DEF8: variants seen among roughly 807,000 people sequenced by gnomAD.
The protein encoded by DEF8 is differentially expressed in FDCP 8 homolog, also known as DEF-8.
DEF8 carries 38 observed loss-of-function variants against 59.1 expected under a neutral mutation model. That is an observed-to-expected ratio of 0.64 (90% CI 0.50 to 0.84). The LOEUF (loss-of-function observed/expected upper bound fraction) is 0.84, where lower values mean the gene tolerates loss of function less well. DEF8 is among the 40% of genes least tolerant of loss of function. The pLI, the probability that DEF8 is intolerant of heterozygous loss-of-function variation, is 0.00. For missense variants in DEF8, 557 were observed against 615.2 expected (o/e 0.91, Z 1.00); for synonymous variants, 265 against 250.1 (o/e 1.06, Z -0.56).
intron 7 of DEF8, 87 bp downstream of exon 7, chr16:89,961,182 G>T (rs2033977620): frequency 6.6e-7 from 1 of 1,523,102 alleles, no homozygotes; most frequent in Admixed American, 1.9e-5. Flanking sequence ...ACGTAAGTCA[G>T]ACAGTTGAGT....
Position 89,964,555 on chromosome 16 carries a change from C to G in DEF8, c.1233C>G (p.Asp411Glu), listed in dbSNP as rs1322592301. 1 of 1,578,080 alleles carries G rather than the reference C, an allele frequency of 6.3e-7. No homozygotes were observed. ...PFDSHTSVCADCSAVFHRDCY... is the reference protein window; with the variant it reads ...PFDSHTSVCAECSAVFHRDCY... Reference sequence around the variant, plus strand: ...ACAGCCACACGTCTGTGTGCGCCGACTGCTCCGCGGTCTTCCACAGGTGGG... The same window carrying G: ...ACAGCCACACGTCTGTGTGCGCCGAGTGCTCCGCGGTCTTCCACAGGTGGG... The change falls in exon 12 of 13, where the codon GAC becomes GAG. Residue 411 changes from aspartate to glutamate, a missense_variant. Transcript: ENST00000563594.
rs1358571189 is a variant in DEF8 at position 89,966,260 on chromosome 16, C to G, written c.*297C>G. 1.3e-5 allele frequency: 4 copies of G among 307,698 alleles called. No homozygotes were observed. The highest frequency in any genetic ancestry group is 2.5e-5 in the Non-Finnish European group (4 of 157,770). The allele number at this position is 307,698 out of a possible 1,614,324, so 19.1% of individuals were successfully genotyped here. On this transcript the variant is annotated 3_prime_UTR_variant, in exon 13 of 13. Coordinates refer to ENST00000563594, the MANE Select transcript of DEF8 (RefSeq NM_001242818.2). Reference sequence around the variant, plus strand: ...AGGGAGCTGGGGGGACATCTCACCTCCCCCATGGCACAGAGCCCTCCACAC... The same window carrying G: ...AGGGAGCTGGGGGGACATCTCACCTGCCCCATGGCACAGAGCCCTCCACAC...
rs1217356451 is a variant in DEF8 at position 89,967,371 on chromosome 16, G to T, written c.*1408G>T. On this transcript the variant is annotated 3_prime_UTR_variant, in exon 13 of 13. Coordinates refer to ENST00000563594, the MANE Select transcript of DEF8 (RefSeq NM_001242818.2). ...GGCTCATTCCAGGAGTGGGAGAGAC[G>T]GCAGGGTCTCCTCTTTGTCCTCCGG... The T allele has an allele frequency of 7.5e-6, 3 of 398,540 alleles. No individual in the cohort carries two copies. The highest frequency in any genetic ancestry group is 1.3e-5 in the Non-Finnish European group (3 of 226,092). 24.7% of individuals were successfully genotyped at this position (398,540 alleles called of 1,614,324 possible).
chr16:89,963,720 C>T (rs2034323555), intron 10 of DEF8: 1 of 531,906 alleles, frequency 1.9e-6, no homozygotes, highest in African/African-American at 1.9e-5. Flanking sequence ...ACACAGTTTT[C>T]AAGGTTCATC....
At chr16:89,965,590 G>A (rs1051440232) in intron 12 of DEF8, among the ~76,000 whole-genome samples, 12 of 152,166 alleles carry the variant, frequency 7.9e-5, no homozygotes, top group Non-Finnish European at 1.0e-4. Context: ...CGAGTCTGGC[G>A]TGGCCACCTG....
chr16:89,962,089 G>C lies in DEF8; in HGVS notation c.885G>C (p.Leu295=). 4 of 1,614,090 alleles carry C rather than the reference G, an allele frequency of 2.5e-6. No individual in the cohort carries two copies. Among genetic ancestry groups the C allele is most frequent in the Non-Finnish European group, 3.4e-6 (4 of 1,179,990 alleles). The change falls in exon 9 of 13, where the codon CTG becomes CTC. Residue 295 remains leucine (L), a synonymous_variant. Transcript: ENST00000563594. ...TCAGGCTCCGGGAGATCAACCCTCT[G>C]CTGTTCAGCTACGTGGAGGAGCTGG... The part of the protein sequence containing the change: ...PVLRLREINP[L]LFSYVEELVE...
chr16:89,957,664 G>C lies in DEF8; in HGVS notation c.372+4G>C. ...GCTGAAGCTCCAGGAGCTGAAGGTG[G>C]GTGTGGGGCCGCCCCGCCGTGGGGC... is the stretch of plus-strand genomic sequence containing the variant. On this transcript the variant is annotated splice_donor_region_variant and intron_variant, in intron 5 of 12. Coordinates refer to ENST00000563594, the MANE Select transcript of DEF8 (RefSeq NM_001242818.2). The C allele has an allele frequency of 6.5e-7, 1 of 1,550,344 alleles. No individual in the cohort carries two copies. Among genetic ancestry groups the C allele is most frequent in the Non-Finnish European group, 8.7e-7 (1 of 1,145,990 alleles).
Position 89,958,881 on chromosome 16 carries a change from A to G in DEF8, c.373-133A>G, listed in dbSNP as rs567532070. 8 of 1,495,672 alleles carry G rather than the reference A, an allele frequency of 5.3e-6. No homozygotes were observed. In the Admixed American group the frequency reaches 8.3e-5, roughly 16 times the overall value. The allele number at this position is 1,495,672 out of a possible 1,614,324, so 92.7% of individuals were successfully genotyped here. Reference sequence around the variant, plus strand: ...TTACTGTGAAAGGGAGAAAAGGGACATGGCATTGTGCTGAAACTCACAATC... The same window carrying G: ...TTACTGTGAAAGGGAGAAAAGGGACGTGGCATTGTGCTGAAACTCACAATC... On this transcript the variant is annotated intron_variant, in intron 5 of 12. Coordinates refer to ENST00000563594, the MANE Select transcript of DEF8 (RefSeq NM_001242818.2).
At chr16:89,949,643 G>A (rs1470661130) in intron 2 of DEF8, 130 bp downstream of exon 2, 4 of 1,607,702 alleles carry the variant, frequency 2.5e-6, no homozygotes, top group East Asian at 2.2e-5. Context: ...GGCCAGGTCC[G>A]TGCATCCCGC....
chr16:89,954,336 G>A lies in DEF8; in HGVS notation c.84G>A (p.Glu28=), dbSNP rs2032737390. 1 of 1,613,884 alleles carries A rather than the reference G, an allele frequency of 6.2e-7. No individual in the cohort carries two copies. Among genetic ancestry groups the A allele is most frequent in the African/African-American group, 1.3e-5 (1 of 75,030 alleles). Residue 28 remains glutamate (E), a synonymous_variant, in exon 3 of 13, where the codon GAG becomes GAA. Transcript: ENST00000563594. The surrounding 1 kb of genome is among the most constrained non-coding windows in gnomAD (Gnocchi z 4.3). ...AGCAGTCTGGGCCGAGACAGCATGA[G>A]CAGGGCCCTGGGGAGGAGGTCCCGG... ...FNKQSGPRQH[E]QGPGEEVPDV...
At chr16:89,951,656 C>G (rs1246177058) in intron 2 of DEF8, among the ~76,000 whole-genome samples, 1 of 152,196 alleles carries the variant, frequency 6.6e-6, no homozygotes, top group Non-Finnish European at 1.5e-5. Context: ...CAGCTTAGGG[C>G]TCAGGTGCAG....
At chr16:89,949,298 C>G (rs1291393947) in intron 1 of DEF8, 119 bp from the exon 2 acceptor site, 1 of 838,032 alleles carries the variant, frequency 1.2e-6, no homozygotes, top group Non-Finnish European at 1.8e-6. Context: ...CCTCAGTTTC[C>G]CCCTCGGTGG....
At chr16:89,956,780 A>G (rs2033274928) in intron 4 of DEF8, 2 of 152,174 alleles carry the variant, frequency 1.3e-5, no homozygotes, top group African/African-American at 4.8e-5. Flanking sequence ...AAGTGCTAGC[A>G]TTATAGGTGT....
At chr16:89,949,607 G>A (rs914292324) in intron 2 of DEF8, 94 bp downstream of exon 2, 3 of 1,612,864 alleles carry the variant, frequency 1.9e-6, no homozygotes, top group African/African-American at 2.7e-5. Context: ...GCTTCCTGGT[G>A]GTCACGCCGC....
At chr16:89,949,162 C>G (rs187925396) in intron 1 of DEF8, among the ~76,000 whole-genome samples, 6,739 of 150,052 alleles carry the variant, frequency 0.045, 566 homozygotes, top group African/African-American at 0.16. Context: ...GCAGGGGCCT[C>G]GAGACCTCGG....
chr16:89,956,470 A>AG (rs2033217919), intron 4 of DEF8: 1 of 149,250 alleles, frequency 6.7e-6, no homozygotes, highest in Admixed American at 6.7e-5. Flanking sequence ...AAAAAAAAAG[A>AG]GGGAGAGACT....
chr16:89,964,634 G>C, intron 12 of DEF8, 59 bp downstream of exon 12: 1 of 1,368,234 alleles, frequency 7.3e-7, no homozygotes. Context: ...CCTCTGGGGA[G>C]CTGCCCCTTG....
chr16:89,958,999 A>G lies in DEF8; in HGVS notation c.373-15A>G, dbSNP rs780064343. On this transcript the variant is annotated splice_polypyrimidine_tract_variant and intron_variant, in intron 5 of 12. Coordinates refer to ENST00000563594, the MANE Select transcript of DEF8 (RefSeq NM_001242818.2). ...CAGCTCACCTGTGACCCCCTCCCTG[A>G]CTCACCCTCTGCAGGACCCCAATGA... The G allele has an allele frequency of 3.1e-6, 5 of 1,608,658 alleles. No homozygotes were observed. The Admixed American group carries it at 6.7e-5, about 21-fold the overall frequency.
intron 2 of DEF8, chr16:89,949,732 T>C: frequency 1.6e-6 from 2 of 1,239,752 alleles, no homozygotes; most frequent in Non-Finnish European, 1.1e-6. Context: ...CATTGCTAAG[T>C]TGTGGGGTCC....
Sources: gnomAD v4.1 joint callset for allele counts (sites outside exome capture counted in the v4.1 genomes callset) on GRCh38, gnomAD v4.1.1 for gene constraint, Gnocchi (gnomAD v3.1) non-coding constraint, MANE v1.5 for transcripts, NCBI Gene and HGNC (gene_info 2026-07-23, HGNC 2026-07-21) for gene names.